The following PUDP variants were observed in gnomAD, a reference collection of about 807,000 sequenced individuals.
PUDP encodes pseudouridine 5'-phosphatase, also known as pseudouridine-5'-phosphatase.
A neutral mutation model predicts 9.4 loss-of-function variants in PUDP; 8 were observed. The ratio of observed to expected loss-of-function variants is 0.85; its 90% CI spans 0.50 to 1.53. The LOEUF is 1.53. PUDP is among the 40% of genes most tolerant of loss of function. PUDP has a pLI of 0.00. For synonymous variants in PUDP, 99 were observed against 80.7 expected, an observed-to-expected ratio of 1.23 and a Z score of -1.22; for missense variants, 188 against 189.7, an observed-to-expected ratio of 0.99 and a Z score of 0.05.
intron 1 of PUDP, among the ~76,000 whole-genome samples, chrX:6,985,539 T>C (rs1429737553): frequency 1.8e-5 from 2 of 111,091 alleles, no homozygotes; most frequent in Non-Finnish European, 3.8e-5. Flanking sequence ...AAAATCTTCA[T>C]GCTTTAAGGC....
intron 3 of PUDP, among the ~76,000 whole-genome samples, chrX:6,960,928 G>C (rs1010377093): frequency 8.9e-6 from 1 of 111,913 alleles, no homozygotes; most frequent in Non-Finnish European, 1.9e-5. Flanking sequence ...ACACAATATG[G>C]AAATAAATGG....
intron 1 of PUDP, among the ~76,000 whole-genome samples, chrX:7,021,950 C>G (rs1261467096): frequency 8.9e-6 from 1 of 112,317 alleles, no homozygotes; most frequent in Non-Finnish European, 1.9e-5. Flanking sequence ...AAGTGGTTTT[C>G]TCATCCACCT....
intron 3 of PUDP, among the ~76,000 whole-genome samples, chrX:6,775,504 TAC>T (rs1555909727): frequency 1.4e-3 from 143 of 100,745 alleles, no homozygotes; most frequent in South Asian, 0.01. Flanking sequence ...TACACACACA[TAC>T]ACACACACAC....
chrX:7,068,619 T>C (rs1306709735), intron 3 of PUDP, among the ~76,000 whole-genome samples: 1 of 112,256 alleles, frequency 8.9e-6, no homozygotes, highest in Non-Finnish European at 1.9e-5. Context: ...AGGAGGTTGC[T>C]GGCTGCAGAC....
intron 1 of PUDP, among the ~76,000 whole-genome samples, chrX:7,142,499 G>T (rs1487504901): frequency 8.9e-6 from 1 of 111,863 alleles, no homozygotes; most frequent in Non-Finnish European, 1.9e-5. Flanking sequence ...TTAGGGACGC[G>T]AAAAGAAAGT....
rs35191917 is a variant in PUDP at position 6,956,401 on chromosome X, CAA to C, written c.*247+20730_*247+20731del. On this transcript the variant is annotated intron_variant and NMD_transcript_variant, in intron 3 of 3. Transcript: ENST00000655425. ...TAGGGAACAAAATAGATTTTTAGGG[CAA>C]AAAAAAAAAAATCAAACTATCTTTA... Among the ~76,000 whole-genome samples, 17 of 89,498 alleles carry C rather than the reference CAA, an allele frequency of 1.9e-4. 1 individual carries two copies. Among genetic ancestry groups the C allele is most frequent in the Admixed American group, 1.4e-3 (12 of 8,532 alleles). 77.7% of individuals were successfully genotyped at this position (89,498 alleles called of 115,157 possible). A position where few individuals can be genotyped will look rare whatever the true frequency, so the allele number is the denominator to read the frequency against.
At chrX:7,122,189 CCT>C (rs1239604446) in intron 1 of PUDP, among the ~76,000 whole-genome samples, 2 of 98,892 alleles carry the variant, frequency 2.0e-5, no homozygotes, top group South Asian at 1.1e-3. Context: ...AGAGTAAGAC[CCT>C]GTCTCAAAAA....
At chrX:7,146,152 G>A (rs1054112126) in intron 1 of PUDP, among the ~76,000 whole-genome samples, 2 of 111,455 alleles carry the variant, frequency 1.8e-5, no homozygotes, top group South Asian at 7.6e-4. Flanking sequence ...ATAAAAAGAA[G>A]CAGGGCTTAT....
chrX:6,778,885 C>T (rs1021379718), intron 3 of PUDP, among the ~76,000 whole-genome samples: 7 of 112,223 alleles, frequency 6.2e-5, no homozygotes, highest in Non-Finnish European at 1.3e-4. Context: ...CTGAGAAAGA[C>T]ACATTTGTTA....
intron 1 of PUDP, among the ~76,000 whole-genome samples, chrX:7,020,903 G>A (rs1929622963): frequency 8.9e-6 from 1 of 112,653 alleles, no homozygotes; most frequent in South Asian, 3.7e-4. Flanking sequence ...GCAATTGGAT[G>A]TGGGATTACT....
chrX:6,720,208 G>GTA (rs199867914), intron 1 of PUDP, among the ~76,000 whole-genome samples: 21 of 92,823 alleles, frequency 2.3e-4, no homozygotes, highest in Admixed American at 1.1e-3. Context: ...ATATATGTGT[G>GTA]TATATATATA....
At chrX:6,871,461 C>T (rs59793202) in intron 3 of PUDP, among the ~76,000 whole-genome samples, 12,681 of 111,333 alleles carry the variant, frequency 0.11, 772 homozygotes, top group East Asian at 0.46. Flanking sequence ...AAACAGGAAG[C>T]CTTTTCATCA....
intron 3 of PUDP, among the ~76,000 whole-genome samples, chrX:7,053,785 CA>C (rs1930164410): frequency 9.0e-6 from 1 of 111,574 alleles, no homozygotes; most frequent in Non-Finnish European, 1.9e-5. Context: ...GAAATCTTTT[CA>C]AAGGCAGCCC....
chrX:6,854,472 G>C (rs1926875596), intron 3 of PUDP, among the ~76,000 whole-genome samples: 1 of 111,819 alleles, frequency 8.9e-6, no homozygotes, highest in African/African-American at 3.2e-5. Flanking sequence ...AAATAGAGCT[G>C]ACCCTTGAAC....
intron 1 of PUDP, among the ~76,000 whole-genome samples, chrX:6,711,204 G>A (rs1924528182): frequency 9.0e-6 from 1 of 111,076 alleles, no homozygotes; most frequent in Non-Finnish European, 1.9e-5. Flanking sequence ...AAAGATACGA[G>A]GGAAACTGTG....
intron 3 of PUDP, among the ~76,000 whole-genome samples, chrX:6,930,837 AC>A (rs988303384): frequency 2.7e-5 from 3 of 109,556 alleles, no homozygotes; most frequent in Non-Finnish European, 5.7e-5. Flanking sequence ...AAATCTCCTG[AC>A]CTTGCTTTCT....
chrX:6,900,351 A>G (rs1439515370), intron 3 of PUDP, among the ~76,000 whole-genome samples: 1 of 102,283 alleles, frequency 9.8e-6, no homozygotes, highest in African/African-American at 3.6e-5. Context: ...TGCTACTGGC[A>G]TCTGGTGGGT....
chrX:6,996,252 G>A (rs1929248380), intron 1 of PUDP, among the ~76,000 whole-genome samples: 1 of 111,785 alleles, frequency 8.9e-6, no homozygotes, highest in African/African-American at 3.3e-5. Flanking sequence ...GTTATTTTGT[G>A]CAATATGGAG....
intron 3 of PUDP, among the ~76,000 whole-genome samples, chrX:6,745,125 T>C (rs1924984799): frequency 9.0e-6 from 1 of 111,728 alleles, no homozygotes; most frequent in Non-Finnish European, 1.9e-5. Context: ...GTGTCAACAC[T>C]CTGTAAAGAG....
Sources: allele counts gnomAD v4.1 joint callset (sites outside exome capture counted in the v4.1 genomes callset), GRCh38; gene constraint gnomAD v4.1.1; transcripts MANE v1.5; gene names NCBI Gene and HGNC (gene_info 2026-07-23, HGNC 2026-07-21).